Variants in EIPR1 observed in about 807,000 individuals in gnomAD.
EIPR1 encodes EARP and GARP complex-interacting protein 1.
A neutral mutation model predicts 48.1 loss-of-function variants in EIPR1; 25 were observed. The ratio of observed to expected loss-of-function variants is 0.52; its 90% CI spans 0.38 to 0.73. EIPR1 has a LOEUF of 0.73. Ranked by LOEUF, EIPR1 falls within the 30% of genes least tolerant of loss-of-function variation. EIPR1 has a pLI of 0.00. For synonymous variants in EIPR1, 204 were observed against 201.9 expected (o/e 1.01, Z -0.09); for missense variants, 415 against 506.2 (o/e 0.82, Z 1.73).
intron 3 of EIPR1, among the ~76,000 whole-genome samples, chr2:3,325,556 C>T (rs1017118822): frequency 1.3e-5 from 2 of 152,174 alleles, no homozygotes; most frequent in Non-Finnish European, 2.9e-5. Flanking sequence ...CTACTCCCAA[C>T]CCCCGAAAAC....
chr2:3,277,443 T>C (rs1302553468), intron 3 of EIPR1, among the ~76,000 whole-genome samples: 1 of 152,238 alleles, frequency 6.6e-6, no homozygotes, highest in Non-Finnish European at 1.5e-5. Flanking sequence ...ATGTCAAAGA[T>C]GAACAGCTTC....
In EIPR1 at chr2:3,261,560, C is replaced by G. The variant is rs139074568; in HGVS notation, c.260-4105G>C. ...CACGGCCATTTTCCTGAATGCCATT[C>G]CCTGGGCAAAGGGTAATCCCCACAC... On this transcript the variant is annotated intron_variant, in intron 3 of 8. Transcript: ENST00000382125. 3.9e-5 allele frequency among the ~76,000 whole-genome samples: 6 copies of G among 152,336 alleles called. No homozygotes were observed. In the East Asian group the frequency reaches 1.2e-3, roughly 29 times the overall value.
At chr2:3,252,714 G>T (rs1667038390) in intron 4 of EIPR1, among the ~76,000 whole-genome samples, 1 of 152,224 alleles carries the variant, frequency 6.6e-6, no homozygotes, top group South Asian at 2.1e-4. Context: ...TCTAAGTGGG[G>T]CTGGTGATGG....
intron 3 of EIPR1, among the ~76,000 whole-genome samples, chr2:3,318,041 A>G (rs969009362): frequency 3.9e-5 from 6 of 152,160 alleles, no homozygotes; most frequent in Non-Finnish European, 5.9e-5. Context: ...GCATCATCTC[A>G]AGGTCACACC....
At chr2:3,338,846 T>G (rs983510638) in intron 2 of EIPR1, among the ~76,000 whole-genome samples, 1 of 152,216 alleles carries the variant, frequency 6.6e-6, no homozygotes, top group Non-Finnish European at 1.5e-5. Flanking sequence ...GATTTCACAT[T>G]TAATTTCTTA....
chr2:3,215,251 G>A (rs1169478931), intron 4 of EIPR1, among the ~76,000 whole-genome samples: 2 of 152,198 alleles, frequency 1.3e-5, no homozygotes, highest in Admixed American at 1.3e-4. Context: ...TGGAGGCAGA[G>A]AGGAGAAGAT....
In EIPR1 at chr2:3,334,933, A is replaced by G. The variant is rs114625106; in HGVS notation, c.259+3084T>C. Among the ~76,000 whole-genome samples, 1,102 of 152,360 alleles carry G rather than the reference A, an allele frequency of 7.2e-3. 13 individuals are homozygous for G. The highest frequency in any genetic ancestry group is 0.026 in the African/African-American group (1,061 of 41,578). On this transcript the variant is annotated intron_variant, in intron 3 of 8. Coordinates refer to ENST00000382125, the MANE Select transcript of EIPR1 (RefSeq NM_003310.5). ...CAGGGTAACTTGAAGGACACAATCA[A>G]CTTACACCTGTGGACGACCAACAAG...
chr2:3,253,227 T>C (rs138426122), intron 4 of EIPR1, among the ~76,000 whole-genome samples: 1 of 152,282 alleles, frequency 6.6e-6, no homozygotes, highest in Non-Finnish European at 1.5e-5. Flanking sequence ...ATGTTTAAAT[T>C]TACCTACAGT....
In EIPR1 at chr2:3,189,223, C is replaced by T; in HGVS notation, c.*111G>A. 7 of 1,208,084 alleles carry T rather than the reference C, an allele frequency of 5.8e-6. No homozygotes were observed. The highest frequency in any genetic ancestry group is 7.8e-6 in the Non-Finnish European group (7 of 897,062). The allele number at this position is 1,208,084 out of a possible 1,614,324, so 74.8% of individuals were successfully genotyped here. Reference sequence around the variant, plus strand: ...CTACAGGAAGGGAACAGCGGCTCTCCCAGAGAGGGATCCACCTGGAACACG... The same window carrying T: ...CTACAGGAAGGGAACAGCGGCTCTCTCAGAGAGGGATCCACCTGGAACACG... On this transcript the variant is annotated 3_prime_UTR_variant, in exon 9 of 9. Coordinates refer to ENST00000382125, the MANE Select transcript of EIPR1 (RefSeq NM_003310.5). This position sits in a 1 kb window ranked among gnomAD's most constrained non-coding sequence, Gnocchi z 4.6.
chr2:3,305,740 G>A (rs1558287036), intron 3 of EIPR1, among the ~76,000 whole-genome samples: 1 of 152,222 alleles, frequency 6.6e-6, no homozygotes, highest in Non-Finnish European at 1.5e-5. Flanking sequence ...CCCACAGCCA[G>A]GCTGAAAGTG....
intron 1 of EIPR1, among the ~76,000 whole-genome samples, chr2:3,365,525 T>C (rs1324171451): frequency 1.3e-5 from 2 of 151,136 alleles, no homozygotes; most frequent in African/African-American, 4.9e-5. Flanking sequence ...TCTTGGGTGT[T>C]TCTCGCAGAG....
At chr2:3,324,381 C>T (rs1669627981) in intron 3 of EIPR1, among the ~76,000 whole-genome samples, 1 of 152,180 alleles carries the variant, frequency 6.6e-6, no homozygotes, top group African/African-American at 2.4e-5. Context: ...CCCAGCTCCT[C>T]CCGGGCAGTG....
At chr2:3,261,312 C>T (rs189012212) in intron 3 of EIPR1, among the ~76,000 whole-genome samples, 26 of 152,220 alleles carry the variant, frequency 1.7e-4, no homozygotes, top group East Asian at 5.8e-4. Context: ...ACGTACATAA[C>T]GTACATACAT....
intron 3 of EIPR1, among the ~76,000 whole-genome samples, chr2:3,308,797 A>T (rs1669032375): frequency 6.6e-6 from 1 of 152,246 alleles, no homozygotes; most frequent in Admixed American, 6.5e-5. Flanking sequence ...CCAAGTTCTC[A>T]CCCGAAACCA....
chr2:3,207,422 C>G (rs1215968784), intron 5 of EIPR1, among the ~76,000 whole-genome samples: 1 of 152,232 alleles, frequency 6.6e-6, no homozygotes, highest in African/African-American at 2.4e-5. Flanking sequence ...CCCACTCACC[C>G]GTGCCTGTCC....
intron 1 of EIPR1, among the ~76,000 whole-genome samples, chr2:3,371,411 G>C (rs1436726319): frequency 6.6e-6 from 1 of 152,132 alleles, no homozygotes; most frequent in African/African-American, 2.4e-5. Flanking sequence ...TGCACTAAAT[G>C]CTCCAATTAA....
intron 3 of EIPR1, among the ~76,000 whole-genome samples, chr2:3,263,133 C>T (rs1432215299): frequency 6.6e-6 from 1 of 152,294 alleles, no homozygotes; most frequent in African/African-American, 2.4e-5. Context: ...CGCTGTCAGA[C>T]GGCTACGCTC....
In EIPR1 at chr2:3,228,225, T is replaced by C. The variant is rs577330470; in HGVS notation, c.417-13977A>G. On this transcript the variant is annotated intron_variant, in intron 4 of 8. Transcript: ENST00000382125. ...CAGTGGCAGAGCTGCCCAAGGAATCTGGGAGCCCACCTCTTGCATCAGCAT... is the reference window on the plus strand; with the variant it reads ...CAGTGGCAGAGCTGCCCAAGGAATCCGGGAGCCCACCTCTTGCATCAGCAT... 3.3e-5 allele frequency among the ~76,000 whole-genome samples: 5 copies of C among 152,396 alleles called. No homozygotes were observed. The South Asian group carries it at 1.0e-3, about 32-fold the overall frequency.
chr2:3,349,861 C>T (rs143732640), intron 2 of EIPR1, among the ~76,000 whole-genome samples: 2,298 of 152,238 alleles, frequency 0.015, 24 homozygotes, highest in Non-Finnish European at 0.024. Context: ...CGGTGGCTCA[C>T]GCCTGTAATC....
Sources: allele counts gnomAD v4.1 joint callset (sites outside exome capture counted in the v4.1 genomes callset), GRCh38; gene constraint gnomAD v4.1.1; non-coding constraint Gnocchi (gnomAD v3.1); transcripts MANE v1.5; gene names NCBI Gene and HGNC (gene_info 2026-07-23, HGNC 2026-07-21).